The following CADM2 variants were observed in gnomAD, a reference collection of about 807,000 sequenced individuals.
CADM2 encodes immunoglobulin superfamily member 4D.
In CADM2, 12 loss-of-function variants were observed where a neutral mutation model predicts 49.8. The observed-to-expected ratio is 0.24, with a 90% CI of 0.15 to 0.39. CADM2 has a LOEUF of 0.39. Ranked by LOEUF, CADM2 falls within the 10% of genes least tolerant of loss-of-function variation. The pLI is 1.00. For synonymous variants in CADM2, 214 were observed against 175.4 expected, an observed-to-expected ratio of 1.22 and a Z score of -1.74; for missense variants, 378 against 492.3, an observed-to-expected ratio of 0.77 and a Z score of 2.20.
intron 1 of CADM2, among the ~76,000 whole-genome samples, chr3:85,433,749 A>T (rs1159155925): frequency 6.6e-6 from 1 of 152,140 alleles, no homozygotes; most frequent in African/African-American, 2.4e-5. Flanking sequence ...TTCTTTGAAT[A>T]GTGGTTTAGA....
chr3:84,959,644 A>G lies in CADM2; in HGVS notation c.37A>G (p.Ser13Gly), dbSNP rs1057318253. Reference protein sequence around the residue: ...WKRSAVLRFYSVCGLLLQAAA... With the variant: ...WKRSAVLRFYGVCGLLLQAAA... ...ACGCAGCGCCGTTCTCCGCTTCTAC[A>G]GTGTCTGCGGGCTCCTGCTACAAGG... is the stretch of plus-strand genomic sequence containing the variant. Residue 13 changes from serine (S) to glycine (G), a missense_variant, in exon 1 of 10, where the codon AGT (serine) becomes GGT (glycine). Transcript: ENST00000383699. 1.3e-6 allele frequency: 2 copies of G among 1,537,088 alleles called. No homozygotes were observed. Among genetic ancestry groups the G allele is most frequent in the Non-Finnish European group, 1.7e-6 (2 of 1,146,872 alleles).
chr3:85,484,339 T>C (rs2107633380), intron 1 of CADM2, among the ~76,000 whole-genome samples: 1 of 152,044 alleles, frequency 6.6e-6, no homozygotes, highest in Middle Eastern at 3.4e-3. Flanking sequence ...TGAAGTACTT[T>C]ATCTTTTTAT....
At chr3:85,344,217 T>C (rs1221332198) in intron 1 of CADM2, among the ~76,000 whole-genome samples, 2 of 144,350 alleles carry the variant, frequency 1.4e-5, no homozygotes, top group Non-Finnish European at 3.0e-5. Flanking sequence ...CTACTAAAAA[T>C]ACAAAAAAAA....
chr3:85,505,088 C>T (rs530835888), intron 1 of CADM2, among the ~76,000 whole-genome samples: 13 of 152,124 alleles, frequency 8.5e-5, no homozygotes, highest in Admixed American at 5.9e-4. Flanking sequence ...CTGAGGGAGC[C>T]GGCTCCGGCC....
At chr3:85,885,496 C>A (rs376237674) in intron 4 of CADM2, among the ~76,000 whole-genome samples, 1 of 151,818 alleles carries the variant, frequency 6.6e-6, no homozygotes, top group Non-Finnish European at 1.5e-5. Flanking sequence ...CATGGAGAAC[C>A]ACCCCCACCT....
chr3:85,070,802 C>G (rs2036703408), intron 1 of CADM2, among the ~76,000 whole-genome samples: 1 of 151,848 alleles, frequency 6.6e-6, no homozygotes, highest in Non-Finnish European at 1.5e-5. Context: ...ACCATCCTGG[C>G]TAACATGGTG....
chr3:85,374,472 C>T (rs1023874898), intron 1 of CADM2, among the ~76,000 whole-genome samples: 1 of 152,124 alleles, frequency 6.6e-6, no homozygotes, highest in African/African-American at 2.4e-5. Context: ...TCTTCTGAGC[C>T]CTCCAACCTC....
intron 1 of CADM2, among the ~76,000 whole-genome samples, chr3:85,607,907 G>A (rs2063577630): frequency 6.6e-6 from 1 of 151,856 alleles, no homozygotes; most frequent in African/African-American, 2.4e-5. Flanking sequence ...TGCTTGCCTT[G>A]ACCTCCCAAA....
intron 1 of CADM2, among the ~76,000 whole-genome samples, chr3:85,225,434 T>G (rs1473601867): frequency 6.6e-6 from 1 of 152,204 alleles, no homozygotes; most frequent in Non-Finnish European, 1.5e-5. Flanking sequence ...ATGCTTCTGA[T>G]TTTTGCACAT....
At chr3:85,679,044 A>G (rs1038636357) in intron 1 of CADM2, among the ~76,000 whole-genome samples, 7 of 152,148 alleles carry the variant, frequency 4.6e-5, no homozygotes, top group African/African-American at 1.7e-4. Flanking sequence ...CGAATCAGAC[A>G]CTCTGCCCTC....
At chr3:85,812,602 A>C (rs1193112406) in intron 3 of CADM2, among the ~76,000 whole-genome samples, 1 of 152,088 alleles carries the variant, frequency 6.6e-6, no homozygotes, top group Non-Finnish European at 1.5e-5. Flanking sequence ...CAGAACATGC[A>C]GTTTTGTTAC....
chr3:85,514,885 A>G (rs2060856874), intron 1 of CADM2, among the ~76,000 whole-genome samples: 2 of 152,146 alleles, frequency 1.3e-5, no homozygotes, highest in South Asian at 4.1e-4. Flanking sequence ...TCCAGCATAG[A>G]CATGATTAAT....
At chr3:85,344,333 A>G (rs2030314641) in intron 1 of CADM2, among the ~76,000 whole-genome samples, 1 of 151,718 alleles carries the variant, frequency 6.6e-6, no homozygotes, top group Non-Finnish European at 1.5e-5. Context: ...GTGAGCAGAG[A>G]TTGCGCCACT....
chr3:85,027,337 A>G (rs9840786), intron 1 of CADM2, among the ~76,000 whole-genome samples: 29 of 151,192 alleles, frequency 1.9e-4, no homozygotes, highest in African/African-American at 6.8e-4. Flanking sequence ...GATGGTCTCA[A>G]TCTCCGGACT....
At position 86,068,498 on chromosome 3, in the gene CADM2, A is replaced by G. The variant is rs1380576693; in HGVS notation, c.*1715A>G. 6.6e-6 allele frequency: 1 copy of G among 151,966 alleles called. No homozygotes were observed. 9.4% of individuals were successfully genotyped at this position (151,966 alleles called of 1,614,324 possible). On this transcript the variant is annotated 3_prime_UTR_variant, in exon 10 of 10. Transcript: ENST00000383699. ...GATGGCCTATGGTTTTAAAAATAGT[A>G]TTGTGGAATATATTTTTGGGTAATA...
Position 85,384,105 on chromosome 3 carries a change from G to T in CADM2, c.62-342417G>T, listed in dbSNP as rs560373002. Among the ~76,000 whole-genome samples, 31 of 152,240 alleles carry T rather than the reference G, an allele frequency of 2.0e-4. 1 individual carries two copies. The highest frequency in any genetic ancestry group is 1.8e-3 in the Admixed American group (28 of 15,282). On this transcript the variant is annotated intron_variant, in intron 1 of 9. Transcript: ENST00000383699. Reference sequence around the variant, plus strand: ...AATACCAGTTTACACTTCCACCAATGTTGCATATTCTACTTCTACATTCTT... The same window carrying T: ...AATACCAGTTTACACTTCCACCAATTTTGCATATTCTACTTCTACATTCTT...
intron 1 of CADM2, chr3:85,511,724 C>G (rs186316578): frequency 2.0e-4 from 40 of 195,278 alleles, no homozygotes; most frequent in Admixed American, 4.6e-4. Context: ...TAAAGATCTC[C>G]GGGGTGCAAA....
At chr3:85,043,750 T>C (rs2035539153) in intron 1 of CADM2, among the ~76,000 whole-genome samples, 1 of 152,070 alleles carries the variant, frequency 6.6e-6, no homozygotes. Flanking sequence ...CCCAATACTG[T>C]CTTCCTTTTC....
intron 7 of CADM2, among the ~76,000 whole-genome samples, chr3:85,947,374 T>C (rs1172368902): frequency 6.6e-6 from 1 of 151,490 alleles, no homozygotes; most frequent in African/African-American, 2.4e-5. Flanking sequence ...AGCATTTAGA[T>C]TGGGATGTGT....
Sources: gnomAD v4.1 joint callset for allele counts (sites outside exome capture counted in the v4.1 genomes callset) on GRCh38, gnomAD v4.1.1 for gene constraint, MANE v1.5 for transcripts, NCBI Gene and HGNC (gene_info 2026-07-23, HGNC 2026-07-21) for gene names.